The following SDK1 variants were observed in gnomAD, a reference collection of about 807,000 sequenced individuals.
SDK1 encodes sidekick cell adhesion molecule 1, also known as protein sidekick-1.
SDK1 carries 157 observed loss-of-function variants against 245.5 expected under a neutral mutation model. The observed-to-expected ratio is 0.64, with a 90% CI of 0.56 to 0.73. SDK1 has a LOEUF of 0.73. Ranked by LOEUF, SDK1 falls within the 30% of genes least tolerant of loss-of-function variation. The pLI is 0.00. For missense variants in SDK1, 3,583 were observed against 3,002.3 expected, an observed-to-expected ratio of 1.19 and a Z score of -4.52; for synonymous variants, 1,647 against 1,278.5, an observed-to-expected ratio of 1.29 and a Z score of -6.15.
chr7:4,057,060 C>A (rs542488692), intron 19 of SDK1, among the ~76,000 whole-genome samples: 17 of 152,282 alleles, frequency 1.1e-4, no homozygotes, highest in African/African-American at 4.1e-4. Flanking sequence ...CGCTTCCAGG[C>A]ACCCTGAGGT....
intron 4 of SDK1, among the ~76,000 whole-genome samples, chr7:3,756,653 G>A (rs766501704): frequency 6.6e-5 from 10 of 151,816 alleles, no homozygotes; most frequent in Non-Finnish European, 8.8e-5. Flanking sequence ...AAGACCTTGT[G>A]CGTGTAGTCA....
chr7:4,164,821 C>T (rs943275421), intron 32 of SDK1, among the ~76,000 whole-genome samples: 3 of 152,168 alleles, frequency 2.0e-5, no homozygotes, highest in African/African-American at 7.2e-5. Context: ...ATCAGCCGTC[C>T]CCCTCCAGAG....
rs528707847 is a variant in SDK1 at position 4,210,515 on chromosome 7, G to A, written c.5539+353G>A. Among the ~76,000 whole-genome samples, 30 of 152,184 alleles carry A rather than the reference G, an allele frequency of 2.0e-4. No individual in the cohort carries two copies. In the South Asian group the frequency reaches 3.1e-3, roughly 16 times the overall value. ...CCGAGATGTTTGTCCTGTGGTCGCCGACAGAGACCACCCAGGGTTCCACTT... is the reference window on the plus strand; with the variant it reads ...CCGAGATGTTTGTCCTGTGGTCGCCAACAGAGACCACCCAGGGTTCCACTT... On this transcript the variant is annotated intron_variant, in intron 38 of 44. Coordinates refer to ENST00000404826, the MANE Select transcript of SDK1 (RefSeq NM_152744.4).
At chr7:3,752,317 T>G (rs533925644) in intron 4 of SDK1, among the ~76,000 whole-genome samples, 197 of 152,316 alleles carry the variant, frequency 1.3e-3, no homozygotes, top group South Asian at 2.3e-3. Context: ...TTTTCCTCAT[T>G]TAAATAGTTT....
At chr7:3,889,707 A>G (rs1781414020) in intron 5 of SDK1, among the ~76,000 whole-genome samples, 1 of 152,114 alleles carries the variant, frequency 6.6e-6, no homozygotes, top group Non-Finnish European at 1.5e-5. Flanking sequence ...ACAGGGTTTC[A>G]TCGTGTTAGC....
At chr7:3,870,624 C>T (rs944868116) in intron 5 of SDK1, among the ~76,000 whole-genome samples, 1 of 152,032 alleles carries the variant, frequency 6.6e-6, no homozygotes, top group Admixed American at 6.6e-5. Context: ...AGAAGAGTTG[C>T]AAAGTTAGCA....
chr7:4,154,965 G>T (rs973012374), intron 30 of SDK1, among the ~76,000 whole-genome samples: 3 of 151,990 alleles, frequency 2.0e-5, no homozygotes, highest in African/African-American at 7.2e-5. Context: ...CAACGGGGGT[G>T]GGGGGCTTGA....
At chr7:4,127,652 C>G (rs1784478988) in intron 26 of SDK1, among the ~76,000 whole-genome samples, 156 bp downstream of exon 26, 1 of 152,262 alleles carries the variant, frequency 6.6e-6, no homozygotes, top group African/African-American at 2.4e-5. Flanking sequence ...GTTGTCTTAT[C>G]TAAGCCTCAT....
chr7:3,585,653 G>T (rs973142469), intron 1 of SDK1, among the ~76,000 whole-genome samples: 2 of 152,112 alleles, frequency 1.3e-5, no homozygotes, highest in African/African-American at 4.8e-5. Flanking sequence ...AACAGAGGGG[G>T]CATACAGCAG....
chr7:3,769,418 C>G (rs1032201284), intron 4 of SDK1, among the ~76,000 whole-genome samples: 3 of 152,054 alleles, frequency 2.0e-5, no homozygotes, highest in African/African-American at 7.2e-5. Context: ...AGCCACAAGT[C>G]CCACTCCTAT....
At chr7:3,660,708 C>G (rs10260149) in intron 4 of SDK1, among the ~76,000 whole-genome samples, 55 of 152,252 alleles carry the variant, frequency 3.6e-4, no homozygotes, top group African/African-American at 1.2e-3. Context: ...CATGCTTCAC[C>G]CAGGATGATT....
chr7:3,570,352 A>T (rs1262810838), intron 1 of SDK1, among the ~76,000 whole-genome samples: 1 of 152,002 alleles, frequency 6.6e-6, no homozygotes, highest in African/African-American at 2.4e-5. Flanking sequence ...CCCTATGAAA[A>T]TCAAACGCCG....
intron 1 of SDK1, among the ~76,000 whole-genome samples, chr7:3,447,255 A>T (rs1424372419): frequency 6.6e-6 from 1 of 152,234 alleles, no homozygotes; most frequent in Non-Finnish European, 1.5e-5. Flanking sequence ...AAAATAACTT[A>T]ATAGTAACAA....
chr7:3,971,919 C>A (rs757097006), intron 12 of SDK1, among the ~76,000 whole-genome samples: 1 of 152,022 alleles, frequency 6.6e-6, no homozygotes, highest in Non-Finnish European at 1.5e-5. Context: ...ATTGTTTACA[C>A]GGGGGCTGTG....
intron 9 of SDK1, among the ~76,000 whole-genome samples, chr7:3,963,971 T>C (rs1781901842): frequency 1.3e-5 from 2 of 152,160 alleles, no homozygotes; most frequent in African/African-American, 2.4e-5. Flanking sequence ...ATGTATCCAG[T>C]GGGTACACCC....
chr7:3,802,505 A>C (rs1779132665), intron 4 of SDK1, among the ~76,000 whole-genome samples: 1 of 151,922 alleles, frequency 6.6e-6, no homozygotes. Context: ...GTTGCACTCC[A>C]ACCTGGGGAG....
rs938202158 is a variant in SDK1, at chr7:3,815,462, G to C, written c.714-5988G>C. Among the ~76,000 whole-genome samples, 345 of 150,190 alleles carry C rather than the reference G, an allele frequency of 2.3e-3. 2 individuals are homozygous for C. The highest frequency in any genetic ancestry group is 6.8e-3 in the Middle Eastern group (2 of 294). On this transcript the variant is annotated intron_variant, in intron 4 of 44. Coordinates refer to ENST00000404826, the MANE Select transcript of SDK1 (RefSeq NM_152744.4). ...ACCAGCCTTGCATCCCAGGGATGAA[G>C]CCCACTTGATCATGGTGGATAGGCT... is the stretch of plus-strand genomic sequence containing the variant.
At chr7:3,809,496 C>T (rs1413928299) in intron 4 of SDK1, among the ~76,000 whole-genome samples, 1 of 152,166 alleles carries the variant, frequency 6.6e-6, no homozygotes, top group Non-Finnish European at 1.5e-5. Flanking sequence ...CTGGGCACAG[C>T]TTTGTCACTC....
chr7:3,404,363 G>A (rs989291841), intron 1 of SDK1, among the ~76,000 whole-genome samples: 2 of 152,098 alleles, frequency 1.3e-5, no homozygotes, highest in Non-Finnish European at 2.9e-5. Flanking sequence ...CTTTGTCATT[G>A]TTATCACTGA....
Sources: gnomAD v4.1 joint callset for allele counts (sites outside exome capture counted in the v4.1 genomes callset) on GRCh38, gnomAD v4.1.1 for gene constraint, MANE v1.5 for transcripts, NCBI Gene and HGNC (gene_info 2026-07-23, HGNC 2026-07-21) for gene names.